The following TCF20 variants were observed in gnomAD, a reference collection of about 807,000 sequenced individuals.
TCF20 encodes SPRE-binding protein.
In TCF20, 3 loss-of-function variants were observed where a neutral mutation model predicts 148.6. The ratio of observed to expected loss-of-function variants is 0.02; its 90% confidence interval spans 0.01 to 0.05. The LOEUF (loss-of-function observed/expected upper bound fraction) is 0.05. Among genes scored for constraint, TCF20 ranks in the 10% least tolerant of loss-of-function variants. The probability of loss-of-function intolerance (pLI) is 1.00; values close to 1 mark genes in which losing one functional copy is unlikely to be tolerated. For synonymous variants in TCF20, 1,049 were observed against 909.5 expected (o/e 1.15, Z -2.76); for missense variants, 2,350 against 2,429.3 (o/e 0.97, Z 0.69).
intron 1 of TCF20, among the ~76,000 whole-genome samples, chr22:42,258,204 G>A (rs936248405): frequency 6.6e-6 from 1 of 151,994 alleles, no homozygotes; most frequent in Non-Finnish European, 1.5e-5. Context: ...AGCTCTATCC[G>A]CTTGGCAGGA....
At chr22:42,298,214 T>C (rs6002674) in intron 1 of TCF20, among the ~76,000 whole-genome samples, 26,867 of 152,148 alleles carry the variant, frequency 0.18, 2,784 homozygotes, top group East Asian at 0.36. Flanking sequence ...AAGGCTCAGC[T>C]TCCAGCGACT....
chr22:42,188,293 C>CAAA (rs58945649), intron 2 of TCF20, among the ~76,000 whole-genome samples: 797 of 49,416 alleles, frequency 0.016, 141 homozygotes, highest in African/African-American at 0.046. Flanking sequence ...AACTCCGTCT[C>CAAA]AAAAAAAAAA....
chr22:42,301,257 C>G (rs935542503), intron 1 of TCF20, among the ~76,000 whole-genome samples: 1 of 152,040 alleles, frequency 6.6e-6, no homozygotes, highest in Non-Finnish European at 1.5e-5. Context: ...GCTGTCAGGA[C>G]AAGGCGAGGA....
Position 42,160,782 on chromosome 22 carries a change from A to G in TCF20, c.*621T>C, listed in dbSNP as rs1201701411. 19 of 151,926 alleles carry G rather than the reference A, an allele frequency of 1.3e-4. No individual in the cohort carries two copies. Among genetic ancestry groups the G allele is most frequent in the Admixed American group, 9.2e-4 (14 of 15,268 alleles). The allele number at this position is 151,926 out of a possible 1,614,324, so 9.4% of individuals were successfully genotyped here. A position where few individuals can be genotyped will look rare whatever the true frequency, so the allele number is the denominator to read the frequency against. On this transcript the variant is annotated 3_prime_UTR_variant, in exon 6 of 6. Coordinates refer to ENST00000677622, the MANE Select transcript of TCF20 (RefSeq NM_001378418.1). ...CCCCAAAACCTTCCCACTTTGAGACAAATTAATGACAAAAGGATGGTTCTG... is the reference window on the plus strand; with the variant it reads ...CCCCAAAACCTTCCCACTTTGAGACGAATTAATGACAAAAGGATGGTTCTG...
At chr22:42,283,194 C>A (rs1199779871) in intron 1 of TCF20, among the ~76,000 whole-genome samples, 1 of 152,270 alleles carries the variant, frequency 6.6e-6, no homozygotes, top group East Asian at 1.9e-4. Flanking sequence ...CCGTGCCCAT[C>A]GCCCAACTCG....
chr22:42,280,876 A>G (rs1251399507), intron 1 of TCF20, among the ~76,000 whole-genome samples: 1 of 152,200 alleles, frequency 6.6e-6, no homozygotes, highest in Non-Finnish European at 1.5e-5. Context: ...TGTAGGTATT[A>G]TTATTACCCA....
intron 1 of TCF20, among the ~76,000 whole-genome samples, chr22:42,233,693 ATTCTCT>A (rs1923632471): frequency 1.3e-5 from 2 of 152,220 alleles, no homozygotes; most frequent in Non-Finnish European, 1.5e-5. Flanking sequence ...GACAATATAA[ATTCTCT>A]TTCTGACAAA....
intron 1 of TCF20, among the ~76,000 whole-genome samples, chr22:42,315,408 TG>T (rs1390493778): frequency 1.2e-4 from 18 of 152,216 alleles, no homozygotes; most frequent in Non-Finnish European, 1.6e-4. Context: ...AGCTTGAAGC[TG>T]GGGTATCCAG....
intron 2 of TCF20, among the ~76,000 whole-genome samples, chr22:42,196,130 G>A (rs1937591489): frequency 6.6e-6 from 1 of 152,238 alleles, no homozygotes; most frequent in Non-Finnish European, 1.5e-5. Flanking sequence ...GGCTGAGTCA[G>A]TAAGGTCTCA....
chr22:42,164,518 C>T (rs192130589), intron 5 of TCF20, among the ~76,000 whole-genome samples: 8 of 151,854 alleles, frequency 5.3e-5, no homozygotes, highest in African/African-American at 1.7e-4. Flanking sequence ...CCACTGTGCC[C>T]GGCCTGGGAT....
intron 3 of TCF20, among the ~76,000 whole-genome samples, chr22:42,171,433 A>G (rs75083970): frequency 0.021 from 3,238 of 152,252 alleles, 133 homozygotes; most frequent in African/African-American, 0.075. Context: ...CCGGTATCCT[A>G]AAACAAATCA....
chr22:42,300,113 A>T (rs1197311685), intron 1 of TCF20, among the ~76,000 whole-genome samples: 2 of 152,166 alleles, frequency 1.3e-5, no homozygotes, highest in Admixed American at 1.3e-4. Flanking sequence ...AAGGAATTTT[A>T]AAACGAGGCA....
At chr22:42,167,865 G>T (rs1935884765) in intron 5 of TCF20, among the ~76,000 whole-genome samples, 1 of 151,552 alleles carries the variant, frequency 6.6e-6, no homozygotes, top group African/African-American at 2.4e-5. Flanking sequence ...TGGGACTAAA[G>T]GCATGTACCA....
rs891290669 is a variant in TCF20, at chr22:42,317,952, C to A, written c.-37+25527G>T. ...TCCCCTGGCAGCCCCATTGGCCACA[C>A]TCCCAGAGCCCTATGGGGCAGGCAG... On this transcript the variant is annotated intron_variant, in intron 1 of 1. Transcript: ENST00000515426. The surrounding 1 kb of genome is among the most constrained non-coding windows in gnomAD (Gnocchi z 4.2). 6.6e-6 allele frequency among the ~76,000 whole-genome samples: 1 copy of A among 152,254 alleles called. No homozygotes were observed. The highest frequency in any genetic ancestry group is 2.4e-5 in the African/African-American group (1 of 41,472).
chr22:42,275,376 G>A (rs1416548935), upstream of TCF20, among the ~76,000 whole-genome samples: 1 of 152,166 alleles, frequency 6.6e-6, no homozygotes, highest in Admixed American at 6.5e-5. Flanking sequence ...TGAGCAGAGA[G>A]CTAACACCTG....
At chr22:42,201,767 CA>C (rs150870558) in intron 2 of TCF20, among the ~76,000 whole-genome samples, 4 of 143,476 alleles carry the variant, frequency 2.8e-5, no homozygotes, top group African/African-American at 2.6e-5. Context: ...GACTCAGTCT[CA>C]AAAAAAAAAC....
chr22:42,278,533 T>C (rs1926831490), intron 1 of TCF20: 1 of 152,232 alleles, frequency 6.6e-6, no homozygotes, highest in South Asian at 2.1e-4. Context: ...CTGTTCCCCC[T>C]GCGCGGCAGA....
intron 1 of TCF20, among the ~76,000 whole-genome samples, chr22:42,225,591 G>C (rs961484327): frequency 1.4e-5 from 2 of 147,726 alleles, no homozygotes; most frequent in African/African-American, 5.0e-5. Context: ...TCCGCAGTCC[G>C]GCCTGGGCGA....
chr22:42,325,251 C>T (rs745442266), intron 1 of TCF20, among the ~76,000 whole-genome samples: 1 of 152,210 alleles, frequency 6.6e-6, no homozygotes, highest in Non-Finnish European at 1.5e-5. Context: ...ATGTTCTGGG[C>T]GGGGCCAGGC....
Sources: allele counts gnomAD v4.1 joint callset (sites outside exome capture counted in the v4.1 genomes callset), GRCh38; gene constraint gnomAD v4.1.1; non-coding constraint Gnocchi (gnomAD v3.1); transcripts MANE v1.5; gene names NCBI Gene and HGNC (gene_info 2026-07-23, HGNC 2026-07-21).